GLDC: variants seen among roughly 807,000 people sequenced by gnomAD.
The protein encoded by GLDC is glycine dehydrogenase (decarboxylating), mitochondrial.
In GLDC, 104 loss-of-function variants were observed where a neutral mutation model predicts 121.3. The ratio of observed to expected loss-of-function variants is 0.86; its 90% CI spans 0.73 to 1.01. GLDC has a LOEUF of 1.01. Among genes scored for constraint, GLDC ranks in the 50% least tolerant of loss-of-function variants. The pLI is 0.00. For missense variants in GLDC, 1,429 were observed against 1,306.6 expected (o/e 1.09, Z -1.44); for synonymous variants, 546 against 480.6 (o/e 1.14, Z -1.78).
intron 21 of GLDC, among the ~76,000 whole-genome samples, chr9:6,543,296 T>C (rs1192235070): frequency 6.6e-6 from 1 of 152,034 alleles, no homozygotes; most frequent in African/African-American, 2.4e-5. Context: ...AATGCCCTGA[T>C]TGTGACAATG....
At chr9:6,606,437 T>C (rs1031682603) in intron 5 of GLDC, among the ~76,000 whole-genome samples, 155 bp downstream of exon 5, 4 of 151,574 alleles carry the variant, frequency 2.6e-5, no homozygotes, top group African/African-American at 9.7e-5. Context: ...CAGAAGAAAG[T>C]GAGAGGTAAG....
chr9:6,620,108 G>A lies in GLDC; in HGVS notation c.470+76C>T, dbSNP rs115202450. The stretch of plus-strand genomic sequence containing the variant: ...GTGTCAGTGTGGAGGCTCTGAGACT[G>A]CAAGGGGACAGATGGAGGATGGAGA... On this transcript the variant is annotated intron_variant, in intron 3 of 24. Transcript: ENST00000321612. 6.2e-3 allele frequency: 9,066 copies of A among 1,453,976 alleles called. 455 individuals are homozygous for A. In the African/African-American group the frequency reaches 0.11, roughly 17 times the overall value. 90.1% of individuals were successfully genotyped at this position (1,453,976 alleles called of 1,614,324 possible). A position where few individuals can be genotyped will look rare whatever the true frequency, so the allele number is the denominator to read the frequency against.
At chr9:6,566,955 G>C (rs903559856) in intron 15 of GLDC, among the ~76,000 whole-genome samples, 3 of 152,120 alleles carry the variant, frequency 2.0e-5, no homozygotes, top group African/African-American at 4.8e-5. Flanking sequence ...GACAGATGAA[G>C]ACTTGGGTGT....
At chr9:6,610,069 T>C in intron 4 of GLDC, 123 bp downstream of exon 4, 1 of 772,692 alleles carries the variant, frequency 1.3e-6, no homozygotes, top group Non-Finnish European at 2.1e-6. Flanking sequence ...TTTTTCAGTT[T>C]CTCTGAAAAG....
At chr9:6,595,195 T>C in intron 8 of GLDC, 76 bp from the exon 9 acceptor site, 1 of 966,824 alleles carries the variant, frequency 1.0e-6, no homozygotes. Flanking sequence ...TGACTTGGGA[T>C]GTCAAAACTG....
At chr9:6,642,455 G>A (rs1206876259) in intron 2 of GLDC, among the ~76,000 whole-genome samples, 9 of 152,068 alleles carry the variant, frequency 5.9e-5, no homozygotes, top group African/African-American at 1.2e-4. Context: ...GGCTTGAACC[G>A]GGGAGGCAGA....
chr9:6,577,713 GCA>G (rs1250490807), intron 15 of GLDC, among the ~76,000 whole-genome samples: 4 of 151,398 alleles, frequency 2.6e-5, no homozygotes, highest in African/African-American at 9.7e-5. Context: ...ACACACACAC[GCA>G]GTTTTACGCA....
chr9:6,547,819 T>TA (rs1286702443), intron 21 of GLDC, among the ~76,000 whole-genome samples: 1 of 152,104 alleles, frequency 6.6e-6, no homozygotes, highest in African/African-American at 2.4e-5. Context: ...AATATACATT[T>TA]AAAAAATAGG....
chr9:6,543,361 GGGAGGGGA>G (rs1817310958), intron 21 of GLDC, among the ~76,000 whole-genome samples: 1 of 152,192 alleles, frequency 6.6e-6, no homozygotes, highest in South Asian at 2.1e-4. Flanking sequence ...CCAGACAGCA[GGGAGGGGA>G]GGAGGGGAGA....
chr9:6,612,266 C>T (rs1818874694), intron 3 of GLDC, among the ~76,000 whole-genome samples: 1 of 151,808 alleles, frequency 6.6e-6, no homozygotes, highest in Admixed American at 6.6e-5. Flanking sequence ...CACACACTCA[C>T]ACACATACAC....
intron 2 of GLDC, among the ~76,000 whole-genome samples, chr9:6,628,666 G>T (rs12001793): frequency 6.6e-6 from 1 of 152,020 alleles, no homozygotes; most frequent in Non-Finnish European, 1.5e-5. Flanking sequence ...GCTTGAGCCT[G>T]GGAGGTGGAG....
At chr9:6,561,514 TG>T (rs772423656) in intron 16 of GLDC, among the ~76,000 whole-genome samples, 7 of 151,942 alleles carry the variant, frequency 4.6e-5, no homozygotes, top group Non-Finnish European at 1.0e-4. Context: ...CCAGGCATGG[TG>T]GTGCACGCCT....
chr9:6,634,686 C>T (rs1001826809), intron 2 of GLDC, among the ~76,000 whole-genome samples: 3 of 152,180 alleles, frequency 2.0e-5, no homozygotes, highest in Non-Finnish European at 4.4e-5. Context: ...GCTGTAGCTC[C>T]AGGACTCCAT....
intron 3 of GLDC, among the ~76,000 whole-genome samples, chr9:6,611,318 G>T (rs1563860326): frequency 6.6e-6 from 1 of 152,178 alleles, no homozygotes. Flanking sequence ...TTTTACTTGG[G>T]AGGTCAAGGC....
At chr9:6,575,593 C>G (rs549075403) in intron 15 of GLDC, among the ~76,000 whole-genome samples, 7 of 152,352 alleles carry the variant, frequency 4.6e-5, no homozygotes, top group African/African-American at 1.7e-4. Context: ...TAAGAATCTT[C>G]CCATGAAGGA....
In GLDC at chr9:6,572,213, A is replaced by G. The variant is rs557047359; in HGVS notation, c.1851-6784T>C. On this transcript the variant is annotated intron_variant, in intron 15 of 24. Coordinates refer to ENST00000321612, the MANE Select transcript of GLDC (RefSeq NM_000170.3). ...TCATAATTAAAAACTTTTTGCTCCCATTAGGGTTACAAGGACAAGCTACAG... is the reference window on the plus strand; with the variant it reads ...TCATAATTAAAAACTTTTTGCTCCCGTTAGGGTTACAAGGACAAGCTACAG... Among the ~76,000 whole-genome samples the G allele has an allele frequency of 7.9e-5, 12 of 152,314 alleles. No individual in the cohort carries two copies. In the South Asian group the frequency reaches 1.7e-3, roughly 21 times the overall value.
rs3818705 is a variant in GLDC at position 6,534,436 on chromosome 9, A to T, written c.2919+272T>A. Among the ~76,000 whole-genome samples the T allele has an allele frequency of 0.14, 22,042 of 152,102 alleles. 1,905 individuals carry two copies. Among genetic ancestry groups the T allele is most frequent in the East Asian group, 0.29 (1,481 of 5,150 alleles). ...GCACTGGGCGCCATCTCCCTGTCCCACAGTGGAGGGAAACACATTGGTCCA... is the reference window on the plus strand; with the variant it reads ...GCACTGGGCGCCATCTCCCTGTCCCTCAGTGGAGGGAAACACATTGGTCCA... On this transcript the variant is annotated intron_variant, in intron 24 of 24. Transcript: ENST00000321612.
chr9:6,535,914 A>G, intron 23 of GLDC, 150 bp downstream of exon 23: 1 of 751,574 alleles, frequency 1.3e-6, no homozygotes. Flanking sequence ...TGGAAACTTC[A>G]AAGTAACAAC....
chr9:6,583,128 G>A (rs945322495), intron 15 of GLDC, among the ~76,000 whole-genome samples: 3 of 152,046 alleles, frequency 2.0e-5, no homozygotes, highest in African/African-American at 7.2e-5. Flanking sequence ...AATGTTAAAT[G>A]GTGCAACCCC....
Sources: allele counts gnomAD v4.1 joint callset (sites outside exome capture counted in the v4.1 genomes callset), GRCh38; gene constraint gnomAD v4.1.1; transcripts MANE v1.5; gene names NCBI Gene and HGNC (gene_info 2026-07-23, HGNC 2026-07-21).